The following RARA variants were observed in gnomAD, a reference collection of about 807,000 sequenced individuals.
RARA encodes retinoic acid receptor alpha, also known as PML-DDX5-RARA fusion.
Under a neutral mutation model 42.8 loss-of-function variants are expected in RARA, and 5 were observed. The ratio of observed to expected loss-of-function variants is 0.12; its 90% confidence interval spans 0.06 to 0.25. The LOEUF is 0.25. Ranked by LOEUF, RARA falls within the 10% of genes least tolerant of loss-of-function variation. The pLI is 1.00. For synonymous variants in RARA, 256 were observed against 259.5 expected, an observed-to-expected ratio of 0.99 and a Z score of 0.13; for missense variants, 402 against 628.7, an observed-to-expected ratio of 0.64 and a Z score of 3.86.
chr17:40,346,981 C>A (rs2143446095), intron 2 of RARA, among the ~76,000 whole-genome samples: 1 of 152,342 alleles, frequency 6.6e-6, no homozygotes, highest in Middle Eastern at 3.4e-3. Context: ...CGCCTAGCAG[C>A]CCCCACTGTG....
At chr17:40,314,378 C>T (rs1408731492) in intron 1 of RARA, among the ~76,000 whole-genome samples, 1 of 151,794 alleles carries the variant, frequency 6.6e-6, no homozygotes, top group Non-Finnish European at 1.5e-5. Context: ...GTGAGAGGGG[C>T]TGTGGGGGCA....
At chr17:40,317,907 G>A (rs965661611) in intron 1 of RARA, among the ~76,000 whole-genome samples, 4 of 152,108 alleles carry the variant, frequency 2.6e-5, no homozygotes, top group Non-Finnish European at 5.9e-5. Flanking sequence ...AGGTGTGGGT[G>A]TGTGTGTGGT....
Position 40,351,601 on chromosome 17 carries a change from C to A in RARA, c.470-309C>A, listed in dbSNP as rs1178307511. ...AGAGCACCTAGGAGGGCACCGTCGC[C>A]TGGAGTGTGAGCTGGAGTAGACGCG... is the stretch of plus-strand genomic sequence containing the variant. On this transcript the variant is annotated intron_variant, in intron 4 of 8. Coordinates refer to ENST00000254066, the MANE Select transcript of RARA (RefSeq NM_000964.4). This position sits in a 1 kb window ranked among gnomAD's most constrained non-coding sequence, Gnocchi z 4.1. 10 of 489,490 alleles carry A rather than the reference C, an allele frequency of 2.0e-5. No homozygotes were observed. Among genetic ancestry groups the A allele is most frequent in the Non-Finnish European group, 3.5e-5 (9 of 253,766 alleles). The allele number at this position is 489,490 out of a possible 1,614,324, so 30.3% of individuals were successfully genotyped here.
At chr17:40,334,784 C>T (rs2033797422) in intron 2 of RARA, among the ~76,000 whole-genome samples, 2 of 152,350 alleles carry the variant, frequency 1.3e-5, no homozygotes, top group East Asian at 3.9e-4. Flanking sequence ...TCCTCCCCCT[C>T]ATCCCTTTCC....
chr17:40,312,860 C>T (rs1411493648), intron 1 of RARA, among the ~76,000 whole-genome samples: 1 of 152,174 alleles, frequency 6.6e-6, no homozygotes, highest in Non-Finnish European at 1.5e-5. Flanking sequence ...GACCTGAACC[C>T]AGGCCCTCCC....
chr17:40,331,212 G>A lies in RARA; in HGVS notation c.-7G>A, dbSNP rs1294711097. On this transcript the variant is annotated 5_prime_UTR_variant, in exon 2 of 9. Transcript: ENST00000254066. ...GTCTGCCTCCCTTCTGACTGTGGCC[G>A]CTTGGCATGGCCAGCAACAGCAGCT... is the stretch of plus-strand genomic sequence containing the variant. The A allele has an allele frequency of 5.0e-6, 8 of 1,606,634 alleles. No individual in the cohort carries two copies. Among genetic ancestry groups the A allele is most frequent in the East Asian group, 2.2e-5 (1 of 44,792 alleles).
intron 1 of RARA, among the ~76,000 whole-genome samples, chr17:40,327,932 C>T (rs2033589776): frequency 6.6e-6 from 1 of 152,190 alleles, no homozygotes. Flanking sequence ...CTGACATCAG[C>T]CCTCTCAGCC....
intron 2 of RARA, chr17:40,342,791 C>T: frequency 6.2e-7 from 1 of 1,612,906 alleles, no homozygotes; most frequent in African/African-American, 1.3e-5. Flanking sequence ...CCTGTTTGCT[C>T]CCAGAGAAGG....
chr17:40,335,813 G>A (rs1272883565), intron 2 of RARA, among the ~76,000 whole-genome samples: 2 of 152,072 alleles, frequency 1.3e-5, no homozygotes, highest in Non-Finnish European at 2.9e-5. Context: ...AGACAAGCCT[G>A]GACAACATAG....
At chr17:40,353,555 C>T (rs978257609) in intron 6 of RARA, among the ~76,000 whole-genome samples, 3 of 152,186 alleles carry the variant, frequency 2.0e-5, no homozygotes, top group Non-Finnish European at 4.4e-5. Context: ...CTCCCGGGTT[C>T]AAGCGATTCT....
intron 1 of RARA, among the ~76,000 whole-genome samples, chr17:40,314,087 T>G (rs902758713): frequency 6.6e-6 from 1 of 152,008 alleles, no homozygotes; most frequent in African/African-American, 2.4e-5. Flanking sequence ...CTTGAACATT[T>G]ATTTTCTAGC....
chr17:40,345,841 G>A lies in RARA; in HGVS notation c.179-2475G>A, dbSNP rs899948227. The stretch of plus-strand genomic sequence containing the variant: ...CTCTTGCAGAGGCTGTGAGGATTCC[G>A]GAGTTCCCCACACCTCCGGCCTTGG... On this transcript the variant is annotated intron_variant, in intron 2 of 8. Transcript: ENST00000254066. This position sits in a 1 kb window ranked among gnomAD's most constrained non-coding sequence, Gnocchi z 4.8. Among the ~76,000 whole-genome samples, 2 of 152,188 alleles carry A rather than the reference G, an allele frequency of 1.3e-5. No homozygotes were observed. The highest frequency in any genetic ancestry group is 2.9e-5 in the Non-Finnish European group (2 of 68,028).
At position 40,336,528 on chromosome 17, in the gene RARA, A is replaced by AAC. The variant is rs547523046; in HGVS notation, c.178+5132_178+5133insAC. ...TGTAGCCTCCCAAGTAGCTGGGACT[A>AAC]CAGATGCATGCCACCATGCCCGGCT... is the stretch of plus-strand genomic sequence containing the variant. On this transcript the variant is annotated intron_variant, in intron 2 of 8. Coordinates refer to ENST00000254066, the MANE Select transcript of RARA (RefSeq NM_000964.4). 1.3e-3 allele frequency among the ~76,000 whole-genome samples: 191 copies of AAC among 152,184 alleles called. 1 individual carries two copies. Among genetic ancestry groups the AAC allele is most frequent in the African/African-American group, 4.5e-3 (186 of 41,506 alleles).
At chr17:40,353,998 C>A (rs2034534382) in intron 6 of RARA, among the ~76,000 whole-genome samples, 1 of 152,146 alleles carries the variant, frequency 6.6e-6, no homozygotes, top group South Asian at 2.1e-4. Context: ...CCTGCACTAT[C>A]CAGTACAGTA....
intron 1 of RARA, among the ~76,000 whole-genome samples, chr17:40,317,486 G>A (rs778674599): frequency 3.3e-5 from 5 of 152,146 alleles, no homozygotes; most frequent in African/African-American, 1.2e-4. Context: ...GACTTGTTCG[G>A]GAGAGAGAAG....
intron 2 of RARA, among the ~76,000 whole-genome samples, chr17:40,346,324 C>T (rs2034264266): frequency 6.6e-6 from 1 of 152,020 alleles, no homozygotes. Flanking sequence ...AAAGCTCCCT[C>T]AGTCCTTTCT....
chr17:40,320,310 T>G lies in RARA; in HGVS notation c.-362-10547T>G, dbSNP rs2033339400. ...TGGGACACCTTTTTAGTCCCCTTCC[T>G]ACTCCCAACCTTGAGGCAGCCTGGC... is the stretch of plus-strand genomic sequence containing the variant. On this transcript the variant is annotated intron_variant, in intron 1 of 8. Coordinates refer to ENST00000254066, the MANE Select transcript of RARA (RefSeq NM_000964.4). This position sits in a 1 kb window ranked among gnomAD's most constrained non-coding sequence, Gnocchi z 4.1. Among the ~76,000 whole-genome samples the G allele has an allele frequency of 6.6e-6, 1 of 152,114 alleles. No individual in the cohort carries two copies. The highest frequency in any genetic ancestry group is 1.9e-4 in the East Asian group (1 of 5,196).
intron 1 of RARA, among the ~76,000 whole-genome samples, chr17:40,311,838 C>T (rs12937995): frequency 0.091 from 13,856 of 152,206 alleles, 2,147 homozygotes; most frequent in African/African-American, 0.32. Flanking sequence ...ACAGTAGCCT[C>T]TGGCACTGTA....
At chr17:40,319,829 G>A (rs904445999) in intron 1 of RARA, among the ~76,000 whole-genome samples, 4 of 152,200 alleles carry the variant, frequency 2.6e-5, no homozygotes, top group Non-Finnish European at 2.9e-5. Context: ...GGGCCGGGGG[G>A]GGCGGGTAGA....
Sources: allele counts gnomAD v4.1 joint callset (sites outside exome capture counted in the v4.1 genomes callset), GRCh38; gene constraint gnomAD v4.1.1; non-coding constraint Gnocchi (gnomAD v3.1); transcripts MANE v1.5; gene names NCBI Gene and HGNC (gene_info 2026-07-23, HGNC 2026-07-21).